The following AFAP1 variants were observed in gnomAD, a reference collection of about 807,000 sequenced individuals.
AFAP1 encodes the protein actin filament-associated protein 1.
AFAP1 carries 75 observed loss-of-function variants against 93.9 expected under a neutral mutation model. The observed-to-expected ratio is 0.80, with a 90% CI of 0.66 to 0.97. The LOEUF (loss-of-function observed/expected upper bound fraction) is 0.97, where lower values mean the gene tolerates loss of function less well. Among genes scored for constraint, AFAP1 ranks in the 50% least tolerant of loss-of-function variants. The pLI is 0.00. For missense variants in AFAP1, 1,201 were observed against 1,050.8 expected (o/e 1.14, Z -1.98); for synonymous variants, 517 against 430.7 (o/e 1.20, Z -2.48).
intron 6 of AFAP1, among the ~76,000 whole-genome samples, chr4:7,830,598 T>TTTATTA (rs10670912): frequency 7.6e-4 from 115 of 151,400 alleles, no homozygotes; most frequent in Non-Finnish European, 1.3e-3. Flanking sequence ...AGTGAAAGGT[T>TTTATTA]TTATTATTAT....
At chr4:7,781,766 T>C (rs970891049) in intron 12 of AFAP1, 139 bp from the exon 13 acceptor site, 23 of 1,156,964 alleles carry the variant, frequency 2.0e-5, no homozygotes, top group Non-Finnish European at 2.4e-5. Context: ...CAGACTGCAG[T>C]TGTTATCAAT....
intron 3 of AFAP1, among the ~76,000 whole-genome samples, chr4:7,858,957 G>A (rs1309631470): frequency 6.6e-6 from 1 of 152,214 alleles, no homozygotes; most frequent in Non-Finnish European, 1.5e-5. Context: ...TCTGGGCAGA[G>A]CAAGTCCCTC....
Position 7,768,958 on chromosome 4 carries a change from A to G in AFAP1, c.2304T>C (p.Cys768=). 2 of 1,613,784 alleles carry G rather than the reference A, an allele frequency of 1.2e-6. No homozygotes were observed. The highest frequency in any genetic ancestry group is 1.7e-6 in the Non-Finnish European group (2 of 1,179,762). The part of the protein sequence containing the change: ...RTLENSPISS[C]DTSDTEGPVP... ...CGGGGCCCTCGGTGTCACTGGTGTC[A>G]CAGCTGGAGATGGGCGAGTTTTCCA... The change falls in exon 17 of 18, where the codon TGT becomes TGC. Residue 768 remains cysteine (C), a synonymous_variant. Coordinates refer to ENST00000420658, the MANE Select transcript of AFAP1 (RefSeq NM_001134647.2).
In AFAP1 at chr4:7,786,235, T is replaced by A; in HGVS notation, c.1489A>T (p.Thr497Ser). Residue 497 changes from threonine to serine, a missense_variant, in exon 12 of 18, where the codon ACG becomes TCG. Thr to Ser is a moderately conservative substitution (Grantham distance 58). Coordinates refer to ENST00000420658, the MANE Select transcript of AFAP1 (RefSeq NM_001134647.2). The stretch of plus-strand genomic sequence containing the variant: ...GGGACATCGTCATAATGAAGTGCCG[T>A]CCCGCTGGGGTGGGCATAGCCGTTG... ...TSNGYAHPSG[T>S]ALHYDDVPCI... 2 of 1,614,154 alleles carry A rather than the reference T, an allele frequency of 1.2e-6. No homozygotes were observed. The highest frequency in any genetic ancestry group is 2.2e-5 in the East Asian group (1 of 44,884).
intron 16 of AFAP1, among the ~76,000 whole-genome samples, chr4:7,772,051 G>C (rs1355381576): frequency 6.6e-6 from 1 of 152,182 alleles, no homozygotes; most frequent in Non-Finnish European, 1.5e-5. Flanking sequence ...ACCAGGCTCA[G>C]CATTTTACTG....
intron 1 of AFAP1, among the ~76,000 whole-genome samples, chr4:7,920,999 T>C (rs1720410621): frequency 6.6e-6 from 1 of 151,424 alleles, no homozygotes; most frequent in African/African-American, 2.4e-5. Flanking sequence ...TACCTATATA[T>C]CCATAAATAA....
Position 7,762,197 on chromosome 4 carries a change from G to C in AFAP1, c.*1568C>G, listed in dbSNP as rs1173201336. 6.6e-6 allele frequency: 1 copy of C among 152,232 alleles called. No individual in the cohort carries two copies. Among genetic ancestry groups the C allele is most frequent in the African/African-American group, 2.4e-5 (1 of 41,458 alleles). The allele number at this position is 152,232 out of a possible 1,614,324, so 9.4% of individuals were successfully genotyped here. A position where few individuals can be genotyped will look rare whatever the true frequency, so the allele number is the denominator to read the frequency against. On this transcript the variant is annotated 3_prime_UTR_variant, in exon 18 of 18. Coordinates refer to ENST00000420658, the MANE Select transcript of AFAP1 (RefSeq NM_001134647.2). The stretch of plus-strand genomic sequence containing the variant: ...ACCACCTTAAACATGAATCCTAACT[G>C]TAAAGTCCCGTGCACCACACAGCTA...
In AFAP1 at chr4:7,758,830, C is replaced by T. The variant is rs1713371047; in HGVS notation, c.*4935G>A. ...GAAAGCAGGAAATTCAGTGAAGCTA[C>T]TACAAAGTGGGGCGAGTGGACTGAA... On this transcript the variant is annotated 3_prime_UTR_variant, in exon 18 of 18. Transcript: ENST00000420658. 1 of 152,242 alleles carries T rather than the reference C, an allele frequency of 6.6e-6. No homozygotes were observed. The highest frequency in any genetic ancestry group is 1.5e-5 in the Non-Finnish European group (1 of 68,048). The allele number at this position is 152,242 out of a possible 1,614,324, so 9.4% of individuals were successfully genotyped here. A position where few individuals can be genotyped will look rare whatever the true frequency, so the allele number is the denominator to read the frequency against.
chr4:7,782,184 G>A (rs1432279378), intron 12 of AFAP1, among the ~76,000 whole-genome samples: 1 of 152,244 alleles, frequency 6.6e-6, no homozygotes, highest in Non-Finnish European at 1.5e-5. Flanking sequence ...GAAAAAGGGG[G>A]AAATGGAAGC....
intron 6 of AFAP1, among the ~76,000 whole-genome samples, chr4:7,824,598 G>A (rs768546344): frequency 3.9e-5 from 6 of 152,150 alleles, no homozygotes; most frequent in Non-Finnish European, 5.9e-5. Context: ...GACAAAGGGC[G>A]TGTGCAACTT....
intron 6 of AFAP1, among the ~76,000 whole-genome samples, chr4:7,822,225 G>A (rs139653195): frequency 6.6e-6 from 1 of 152,148 alleles, no homozygotes. Context: ...AACCCCAGGT[G>A]GACCACTTGC....
intron 1 of AFAP1, among the ~76,000 whole-genome samples, chr4:7,922,258 G>A (rs1191741818): frequency 1.3e-5 from 2 of 152,204 alleles, no homozygotes; most frequent in African/African-American, 4.8e-5. Flanking sequence ...TATTTTCAAT[G>A]TAACTATGAA....
chr4:7,865,592 A>G (rs1275241417), intron 3 of AFAP1, among the ~76,000 whole-genome samples: 1 of 152,234 alleles, frequency 6.6e-6, no homozygotes, highest in Non-Finnish European at 1.5e-5. Context: ...ACAAGGAGAG[A>G]GGACGAGAGA....
chr4:7,893,815 A>T (rs1302842597), intron 1 of AFAP1, among the ~76,000 whole-genome samples: 1 of 152,104 alleles, frequency 6.6e-6, no homozygotes, highest in East Asian at 1.9e-4. Context: ...TCGCACTTTG[A>T]GAAGCCAGGC....
chr4:7,931,221 G>A (rs1011740428), intron 1 of AFAP1, among the ~76,000 whole-genome samples: 1 of 152,168 alleles, frequency 6.6e-6, no homozygotes, highest in African/African-American at 2.4e-5. Flanking sequence ...AAGGAACAGG[G>A]ATCAGGGTGG....
chr4:7,891,038 G>T (rs1276760448), intron 1 of AFAP1, among the ~76,000 whole-genome samples: 1 of 151,466 alleles, frequency 6.6e-6, no homozygotes, highest in Non-Finnish European at 1.5e-5. Flanking sequence ...TAAACAGATT[G>T]CAATATGTTC....
intron 5 of AFAP1, among the ~76,000 whole-genome samples, chr4:7,839,322 ACT>A (rs1161749731): frequency 6.6e-6 from 1 of 151,834 alleles, no homozygotes; most frequent in East Asian, 1.9e-4. Flanking sequence ...GGTGACAGAG[ACT>A]CTGTCTCCAA....
chr4:7,766,637 G>A (rs1004082313), intron 17 of AFAP1, among the ~76,000 whole-genome samples: 1 of 142,280 alleles, frequency 7.0e-6, no homozygotes, highest in Admixed American at 6.8e-5. Flanking sequence ...TCACGAGAGG[G>A]TAACAGAATC....
intron 11 of AFAP1, among the ~76,000 whole-genome samples, chr4:7,789,296 A>G (rs1323757092): frequency 6.6e-6 from 1 of 152,160 alleles, no homozygotes. Flanking sequence ...AAACCAGGAG[A>G]GAGTCAAGTG....
Sources: gnomAD v4.1 joint callset for allele counts (sites outside exome capture counted in the v4.1 genomes callset) on GRCh38, gnomAD v4.1.1 for gene constraint, MANE v1.5 for transcripts, NCBI Gene and HGNC (gene_info 2026-07-23, HGNC 2026-07-21) for gene names.